TKTL1: variants seen among roughly 807,000 people sequenced by gnomAD.
TKTL1 encodes the protein transketolase-like protein 1.
In TKTL1, 1 loss-of-function variant was observed where a neutral mutation model predicts 39.3. The observed-to-expected ratio is 0.03, with a 90% CI of 0.01 to 0.12. The LOEUF is 0.12. Ranked by LOEUF, TKTL1 falls within the 10% of genes least tolerant of loss-of-function variation. The pLI, the probability that TKTL1 is intolerant of heterozygous loss-of-function variation, is 1.00. For missense variants in TKTL1, 575 were observed against 509.6 expected (o/e 1.13, Z -1.24); for synonymous variants, 262 against 193.8 (o/e 1.35, Z -2.92).
chrX:154,324,927 G>A (rs1169701336), intron 9 of TKTL1, among the ~76,000 whole-genome samples: 2 of 112,178 alleles, frequency 1.8e-5, no homozygotes, highest in African/African-American at 6.5e-5. Context: ...TGGGAAAGGG[G>A]CCAGTCGTCT....
rs1557167855 is a variant in TKTL1 at position 154,309,424 on chromosome X, A to G, written c.332A>G (p.Lys111Arg). ...GVACGMAYTG[K>R]YFDRASYRVF... ...GCATGTGGAATGGCATATACTGGCA[A>G]GTACTTCGACAGGGCCAGGTGAGGT... The change falls in exon 3 of 13, where the codon AAG (lysine) becomes AGG (arginine). Residue 111 changes from lysine (K) to arginine (R), a missense_variant. Transcript: ENST00000369915. The G allele has an allele frequency of 1.7e-6, 2 of 1,209,654 alleles. No individual in the cohort carries two copies. The highest frequency in any genetic ancestry group is 2.2e-5 in the Admixed American group (1 of 45,861).
chrX:154,328,371 C>A (rs1357597544), intron 12 of TKTL1, among the ~76,000 whole-genome samples: 1 of 106,838 alleles, frequency 9.4e-6, no homozygotes, highest in Non-Finnish European at 1.9e-5. Context: ...CATGGTGAAA[C>A]CCCATCTCTA....
intron 7 of TKTL1, 146 bp from the exon 8 acceptor site, chrX:154,320,611 A>G: frequency 1.7e-6 from 1 of 599,371 alleles, no homozygotes; most frequent in Non-Finnish European, 2.7e-6. Context: ...CCAGGGTTTG[A>G]GGAAAGAGGG....
Position 154,311,026 on chromosome X carries a change from G to A in TKTL1, c.541G>A (p.Gly181Arg). ...NIYQRRCEAF[G>R]WNTYVVDGRD... ...CTATCAGAGGCGCTGCGAAGCCTTTGGGTAACTGTATTCTCTTGTGCTTGA... is the reference window on the plus strand; with the variant it reads ...CTATCAGAGGCGCTGCGAAGCCTTTAGGTAACTGTATTCTCTTGTGCTTGA... Residue 181 changes from glycine (G) to arginine (R), a missense_variant and splice_region_variant, in exon 4 of 13, where the codon GGG becomes AGG. By Grantham distance (125) the Gly-to-Arg change is moderately radical. Coordinates refer to ENST00000369915, the MANE Select transcript of TKTL1 (RefSeq NM_012253.4). The A allele has an allele frequency of 1.7e-6, 2 of 1,211,838 alleles. No individual in the cohort carries two copies. Among genetic ancestry groups the A allele is most frequent in the South Asian group, 1.8e-5 (1 of 56,971 alleles).
At chrX:154,298,324 C>T (rs782787841) in intron 1 of TKTL1, among the ~76,000 whole-genome samples, 1 of 111,458 alleles carries the variant, frequency 9.0e-6, no homozygotes, top group South Asian at 3.7e-4. Context: ...AAGCGACTCT[C>T]CTTCCTCTCA....
At chrX:154,317,409 G>A (rs1020057843) in intron 7 of TKTL1, among the ~76,000 whole-genome samples, 7 of 111,668 alleles carry the variant, frequency 6.3e-5, no homozygotes, top group Non-Finnish European at 1.3e-4. Context: ...TCAAGCAAGG[G>A]GCATGGCCAA....
chrX:154,327,856 A>G lies in TKTL1; in HGVS notation c.1516A>G (p.Ile506Val). Residue 506 changes from isoleucine to valine, a missense_variant, in exon 12 of 13, where the codon ATC becomes GTC. Coordinates refer to ENST00000369915, the MANE Select transcript of TKTL1 (RefSeq NM_012253.4). ...TTCTGCAGATATTTTTATCCGTGTC[A>G]TCGACCTGTTTACCATTAAACCTCT... ...LSKQDIFIRV[I>V]DLFTIKPLDV... 5.0e-6 allele frequency: 6 copies of G among 1,211,701 alleles called. No individual in the cohort carries two copies. The highest frequency in any genetic ancestry group is 6.7e-6 in the Non-Finnish European group (6 of 895,456).
chrX:154,301,971 T>G (rs189967052), intron 1 of TKTL1, among the ~76,000 whole-genome samples: 2 of 109,710 alleles, frequency 1.8e-5, no homozygotes, highest in East Asian at 5.7e-4. Context: ...AACTTAAAAA[T>G]CATTCAGCGT....
intron 7 of TKTL1, among the ~76,000 whole-genome samples, chrX:154,319,881 A>T (rs1453737294): frequency 1.8e-5 from 2 of 111,820 alleles, no homozygotes; most frequent in Admixed American, 1.9e-4. Context: ...ATCCGCAGAG[A>T]GGTTTGTATT....
chrX:154,302,455 C>G (rs141117792), intron 1 of TKTL1, among the ~76,000 whole-genome samples: 11 of 110,917 alleles, frequency 9.9e-5, no homozygotes, highest in Admixed American at 2.9e-4. Context: ...CTGGCGAGGA[C>G]CTGCTACTGG....
At chrX:154,313,130 C>T (rs2067371591) in intron 6 of TKTL1, among the ~76,000 whole-genome samples, 2 of 111,630 alleles carry the variant, frequency 1.8e-5, no homozygotes, top group African/African-American at 6.5e-5. Flanking sequence ...TTATTTTTGG[C>T]TTTCACATGT....
chrX:154,328,202 G>A (rs369160000), intron 12 of TKTL1, among the ~76,000 whole-genome samples: 4 of 111,177 alleles, frequency 3.6e-5, no homozygotes, highest in African/African-American at 6.5e-5. Flanking sequence ...GCAGGCAAGC[G>A]AGGTGTCATG....
At position 154,325,395 on chromosome X, in the gene TKTL1, A is replaced by G. The variant is rs781858115; in HGVS notation, c.1374A>G (p.Gln458=). Residue 458 remains glutamine, a synonymous_variant, in exon 10 of 13, where the codon CAA becomes CAG. Transcript: ENST00000369915. The stretch of plus-strand genomic sequence containing the variant: ...AAACTATGGTTATTTACACCCCACA[A>G]GAACGCTTTGAGATCGGACAGGCCA... ...RPETMVIYTP[Q]ERFEIGQAKV... is the part of the protein sequence containing the mutation. The G allele has an allele frequency of 5.0e-6, 6 of 1,211,939 alleles. No homozygotes were observed. The Admixed American group carries it at 1.1e-4, about 22-fold the overall frequency.
chrX:154,312,840 G>C, intron 6 of TKTL1, 67 bp downstream of exon 6: 1 of 1,011,376 alleles, frequency 9.9e-7, no homozygotes, highest in Non-Finnish European at 1.3e-6. Flanking sequence ...AATGTTGTTC[G>C]TATGTACACA....
chrX:154,312,537 T>C (rs1557168545), intron 5 of TKTL1, 43 bp from the exon 6 acceptor site: 2 of 1,173,637 alleles, frequency 1.7e-6, no homozygotes, highest in South Asian at 3.8e-5. Context: ...AGGCACTCAC[T>C]AAATATTTAT....
chrX:154,296,036 G>A (rs1557164368), intron 1 of TKTL1, 43 bp downstream of exon 1: 1 of 1,197,856 alleles, frequency 8.3e-7, no homozygotes, highest in South Asian at 1.8e-5. Flanking sequence ...AGGGCCACGG[G>A]CCCGGTGGCT....
Position 154,329,563 on chromosome X carries a change from A to G in TKTL1, c.1666A>G (p.Ile556Val), listed in dbSNP as rs1350572321. 1.7e-6 allele frequency: 2 copies of G among 1,211,637 alleles called. No individual in the cohort carries two copies. Among genetic ancestry groups the G allele is most frequent in the Non-Finnish European group, 2.2e-6 (2 of 895,331 alleles). ...VCAAVSMDPD[I>V]QVHSLAVSGV... ...CGCAGCCGTCTCCATGGATCCTGAC[A>G]TTCAGGTTCATTCGCTGGCAGTGTC... The change falls in exon 13 of 13, where the codon ATT (isoleucine) becomes GTT (valine). Residue 556 changes from isoleucine (I) to valine (V), a missense_variant. By Grantham distance (29) the Ile-to-Val change is conservative. Transcript: ENST00000369915.
intron 3 of TKTL1, among the ~76,000 whole-genome samples, 168 bp from the exon 4 acceptor site, chrX:154,310,668 G>A (rs1193521972): frequency 3.6e-5 from 4 of 111,870 alleles, no homozygotes; most frequent in Non-Finnish European, 5.6e-5. Context: ...TTTCAAGCTC[G>A]GCTTTCTTAG....
At chrX:154,296,503 AAAAAAT>A (rs1441094374) in intron 1 of TKTL1, among the ~76,000 whole-genome samples, 2 of 110,573 alleles carry the variant, frequency 1.8e-5, no homozygotes, top group Non-Finnish European at 3.8e-5. Context: ...GTCTCTTACC[AAAAAAT>A]AAAAATAAAA....
Sources: gnomAD v4.1 joint callset for allele counts (sites outside exome capture counted in the v4.1 genomes callset) on GRCh38, gnomAD v4.1.1 for gene constraint, MANE v1.5 for transcripts, NCBI Gene and HGNC (gene_info 2026-07-23, HGNC 2026-07-21) for gene names.